EXOC4: variants seen among roughly 807,000 people sequenced by gnomAD.
EXOC4 encodes exocyst complex component 4.
Under a neutral mutation model 107.2 loss-of-function variants are expected in EXOC4, and 71 were observed. The observed-to-expected ratio is 0.66, with a 90% CI of 0.55 to 0.81. The LOEUF is 0.81. Among genes scored for constraint, EXOC4 ranks in the 30% least tolerant of loss-of-function variants. The pLI is 0.00. For missense variants in EXOC4, 1,108 were observed against 1,189.6 expected (o/e 0.93, Z 1.01); for synonymous variants, 456 against 441.2 (o/e 1.03, Z -0.42).
chr7:133,277,072 C>G (rs1368024493), intron 2 of EXOC4, among the ~76,000 whole-genome samples: 3 of 152,128 alleles, frequency 2.0e-5, no homozygotes, highest in African/African-American at 7.2e-5. Context: ...AGCGATTCTC[C>G]TGCCTCAGCC....
At chr7:133,355,462 C>A (rs941231065) in intron 5 of EXOC4, among the ~76,000 whole-genome samples, 1 of 152,052 alleles carries the variant, frequency 6.6e-6, no homozygotes, top group Non-Finnish European at 1.5e-5. Context: ...TGAAGTTTTG[C>A]ATATGTATAT....
chr7:133,541,328 A>T (rs1800375719), intron 9 of EXOC4, among the ~76,000 whole-genome samples: 1 of 152,126 alleles, frequency 6.6e-6, no homozygotes, highest in African/African-American at 2.4e-5. Flanking sequence ...TTACCTCTCC[A>T]TTCTGGGGCA....
rs1044588782 is a variant in EXOC4, at chr7:133,602,439, C to T, written c.1418-27606C>T. Among the ~76,000 whole-genome samples the T allele has an allele frequency of 4.6e-5, 7 of 152,206 alleles. No individual in the cohort carries two copies. In the South Asian group the frequency reaches 1.0e-3, roughly 23 times the overall value. On this transcript the variant is annotated intron_variant, in intron 9 of 17. Coordinates refer to ENST00000253861, the MANE Select transcript of EXOC4 (RefSeq NM_021807.4). ...GTTGAGTTTCCCAGGTTGTTATTGGCGATTGAGTTGTGTGGCAGCCCGTTG... is the reference window on the plus strand; with the variant it reads ...GTTGAGTTTCCCAGGTTGTTATTGGTGATTGAGTTGTGTGGCAGCCCGTTG...
intron 14 of EXOC4, among the ~76,000 whole-genome samples, chr7:133,980,998 C>T (rs1793966056): frequency 6.6e-6 from 1 of 152,186 alleles, no homozygotes; most frequent in African/African-American, 2.4e-5. Flanking sequence ...AGGGGAGGTA[C>T]TTAACTATTA....
intron 9 of EXOC4, among the ~76,000 whole-genome samples, chr7:133,596,091 A>G (rs941845748): frequency 1.3e-5 from 2 of 152,198 alleles, no homozygotes; most frequent in African/African-American, 4.8e-5. Context: ...CTTCATATGC[A>G]TTTCATCTGT....
intron 7 of EXOC4, among the ~76,000 whole-genome samples, chr7:133,473,008 A>G (rs1798920763): frequency 6.6e-6 from 1 of 152,238 alleles, no homozygotes; most frequent in Non-Finnish European, 1.5e-5. Context: ...ATGCTTTGGT[A>G]GAAACATCAC....
intron 7 of EXOC4, among the ~76,000 whole-genome samples, chr7:133,464,035 TA>T (rs1408361118): frequency 6.6e-6 from 1 of 152,230 alleles, no homozygotes; most frequent in Non-Finnish European, 1.5e-5. Flanking sequence ...ATCATAGATA[TA>T]TACTTACTGG....
the EXOC4 span, among the ~76,000 whole-genome samples, chr7:134,099,622 C>T: frequency 9.2e-5 from 14 of 151,394 alleles, no homozygotes; most frequent in East Asian, 1.4e-3. Flanking sequence ...CTCCGCCCCC[C>T]GGGGTTCATG....
At chr7:133,975,443 T>A (rs1428468270) in intron 14 of EXOC4, among the ~76,000 whole-genome samples, 1 of 152,150 alleles carries the variant, frequency 6.6e-6, no homozygotes, top group Admixed American at 6.6e-5. Flanking sequence ...AAAGGAAGAA[T>A]TCATGGGAAA....
At chr7:133,752,944 C>T (rs567891074) in intron 10 of EXOC4, among the ~76,000 whole-genome samples, 86 of 152,336 alleles carry the variant, frequency 5.6e-4, no homozygotes, top group African/African-American at 2.0e-3. Flanking sequence ...CAGATGCCCA[C>T]CTCTGATGCC....
intron 3 of EXOC4, among the ~76,000 whole-genome samples, chr7:133,301,409 T>C (rs1392200245): frequency 6.6e-6 from 1 of 152,220 alleles, no homozygotes; most frequent in Non-Finnish European, 1.5e-5. Context: ...TTTATATCTT[T>C]TTACTGCAAC....
chr7:133,486,936 A>C (rs1447588216), intron 9 of EXOC4, among the ~76,000 whole-genome samples: 5 of 152,222 alleles, frequency 3.3e-5, no homozygotes, highest in Non-Finnish European at 7.4e-5. Flanking sequence ...CAAATCATTT[A>C]GGAAATAAAA....
chr7:133,650,779 G>C (rs1376019725), intron 10 of EXOC4, among the ~76,000 whole-genome samples: 1 of 152,020 alleles, frequency 6.6e-6, no homozygotes, highest in Non-Finnish European at 1.5e-5. Flanking sequence ...TCACTGTTTG[G>C]ATACTAACTG....
intron 10 of EXOC4, among the ~76,000 whole-genome samples, chr7:133,723,821 G>C (rs975083228): frequency 3.3e-5 from 5 of 151,802 alleles, no homozygotes; most frequent in Non-Finnish European, 7.4e-5. Flanking sequence ...ATGAGACAGG[G>C]CCTCACTATG....
chr7:133,293,072 A>G (rs1011565470), intron 3 of EXOC4, among the ~76,000 whole-genome samples: 1 of 152,188 alleles, frequency 6.6e-6, no homozygotes, highest in Non-Finnish European at 1.5e-5. Context: ...TATTTGAAAT[A>G]TGTTACATTT....
chr7:133,419,964 C>CT (rs60203961), intron 7 of EXOC4, among the ~76,000 whole-genome samples: 13,705 of 134,376 alleles, frequency 0.1, 739 homozygotes, highest in Middle Eastern at 0.16. Context: ...TCTGCTTCTT[C>CT]TTTTTTTTTT....
intron 6 of EXOC4, among the ~76,000 whole-genome samples, chr7:133,370,741 G>A (rs113236132): frequency 6.6e-6 from 1 of 152,192 alleles, no homozygotes; most frequent in African/African-American, 2.4e-5. Context: ...CACAGGAAAG[G>A]TAACCATTCT....
At chr7:133,626,484 G>A (rs528243582) in intron 9 of EXOC4, among the ~76,000 whole-genome samples, 9 of 152,282 alleles carry the variant, frequency 5.9e-5, no homozygotes, top group African/African-American at 1.2e-4. Flanking sequence ...GACAAATGCA[G>A]TATAGATGGC....
chr7:133,817,948 G>A (rs1180224078), intron 11 of EXOC4, among the ~76,000 whole-genome samples: 3 of 152,160 alleles, frequency 2.0e-5, no homozygotes, highest in Non-Finnish European at 2.9e-5. Context: ...ATACCTTTTA[G>A]GGGCAGACTT....
Sources: gnomAD v4.1 joint callset for allele counts (sites outside exome capture counted in the v4.1 genomes callset) on GRCh38, gnomAD v4.1.1 for gene constraint, MANE v1.5 for transcripts, NCBI Gene and HGNC (gene_info 2026-07-23, HGNC 2026-07-21) for gene names.